Variants in SYNE4 observed in about 807,000 individuals in gnomAD.
SYNE4 encodes the protein nesprin-4.
A neutral mutation model predicts 46.9 loss-of-function variants in SYNE4; 41 were observed. That is an observed-to-expected ratio of 0.87 (90% CI 0.68 to 1.13). The LOEUF (loss-of-function observed/expected upper bound fraction) is 1.13, where lower values mean the gene tolerates loss of function less well. Ranked by LOEUF, SYNE4 falls within the 50% of genes most tolerant of loss-of-function variation. The probability of loss-of-function intolerance (pLI) is 0.00; values close to 1 mark genes in which losing one functional copy is unlikely to be tolerated. For missense variants in SYNE4, 492 were observed against 514.8 expected (o/e 0.96, Z 0.43); for synonymous variants, 221 against 219.5 (o/e 1.01, Z -0.06).
At position 36,006,595 on chromosome 19, in the gene SYNE4, A is replaced by T; in HGVS notation, c.695T>A (p.Val232Asp). The T allele has an allele frequency of 6.2e-7, 1 of 1,608,118 alleles. No individual in the cohort carries two copies. Among genetic ancestry groups the T allele is most frequent in the Non-Finnish European group, 8.5e-7 (1 of 1,177,462 alleles). Residue 232 changes from valine (V) to aspartate (D), a missense_variant, in exon 5 of 8, where the codon GTC (valine) becomes GAC (aspartate). Val to Asp is a radical substitution (Grantham distance 152). Transcript: ENST00000324444. Reference protein sequence around the residue: ...GDSDWPGPGGVWGPWAPSSLP... With the variant: ...GDSDWPGPGGDWGPWAPSSLP... The stretch of plus-strand genomic sequence containing the variant: ...GCTACTGGGTGCCCAGGGCCCCCAG[A>T]CCCCACCAGGTCCTGGCCAGTCCGA...
In SYNE4 at chr19:36,007,152, C is replaced by A; in HGVS notation, c.396G>T (p.Leu132Phe). The A allele has an allele frequency of 6.3e-7, 1 of 1,596,324 alleles. No homozygotes were observed. ...DLEQGLGHWALAQSGMVQLQA... is the reference protein window; with the variant it reads ...DLEQGLGHWAFAQSGMVQLQA... ...GCAGCTGCACCATCCCACTCTGGGC[C>A]AATGCCCAGTGCCCCAGGCCTTGCT... Residue 132 changes from leucine to phenylalanine, a missense_variant, in exon 3 of 8, where the codon TTG becomes TTT. Leu to Phe is a conservative substitution (Grantham distance 22). Transcript: ENST00000324444.
At position 36,008,544 on chromosome 19, in the gene SYNE4, C is replaced by A. The variant is rs376639796; in HGVS notation, c.128+10G>T. On this transcript the variant is annotated intron_variant, in intron 1 of 7. Transcript: ENST00000324444. ...TTTTGGGAACAAGCTTCCAAAGCCC[C>A]GGCCCCCACCTCGTGCTCTCCTCTC... is the stretch of plus-strand genomic sequence containing the variant. The A allele has an allele frequency of 6.2e-7, 1 of 1,613,332 alleles. No individual in the cohort carries two copies. Among genetic ancestry groups the A allele is most frequent in the Admixed American group, 1.7e-5 (1 of 59,998 alleles).
rs1968381757 is a variant in SYNE4, at chr19:36,007,131, C to T, written c.417G>A (p.Gln139=). The T allele has an allele frequency of 6.3e-7, 1 of 1,598,826 alleles. No individual in the cohort carries two copies. ...CCTGGCCTCTCCTGCCTACCTGCAG[C>T]TGCACCATCCCACTCTGGGCCAATG... The part of the protein sequence containing the change: ...HWALAQSGMV[Q]LQALQVDLRG... Residue 139 remains glutamine (Q), a synonymous_variant, in exon 3 of 8, where the codon CAG becomes CAA. Coordinates refer to ENST00000324444, the MANE Select transcript of SYNE4 (RefSeq NM_001039876.3).
At position 36,008,598 on chromosome 19, in the gene SYNE4, A is replaced by G; in HGVS notation, c.84T>C (p.Ile28=). ...ACGCGGGGCAGACGGTGCATCCAACAATGTCCGCCTCTCTAGGTGCTCCCG... is the reference window on the plus strand; with the variant it reads ...ACGCGGGGCAGACGGTGCATCCAACGATGTCCGCCTCTCTAGGTGCTCCCG... The part of the protein sequence containing the change: ...HPPGAPREAD[I]VGCTVCPASG... Residue 28 remains isoleucine, a synonymous_variant, in exon 1 of 8, where the codon ATT becomes ATC. Coordinates refer to ENST00000324444, the MANE Select transcript of SYNE4 (RefSeq NM_001039876.3). The G allele has an allele frequency of 1.2e-6, 2 of 1,613,726 alleles. No homozygotes were observed. Among genetic ancestry groups the G allele is most frequent in the Non-Finnish European group, 1.7e-6 (2 of 1,179,848 alleles).
Position 36,008,278 on chromosome 19 carries a change from T to A in SYNE4, c.218A>T (p.His73Leu). ...GGPRGNEPAA[H>L]PPRWSTPSSY... ...AGAGGGTGTTGACCATCTCGGGGGG[T>A]GAGCGGCAGGCTCATTGCCCCTTGG... The change falls in exon 2 of 8, where the codon CAC becomes CTC. Residue 73 changes from histidine to leucine, a missense_variant. His to Leu is a moderately conservative substitution (Grantham distance 99). Coordinates refer to ENST00000324444, the MANE Select transcript of SYNE4 (RefSeq NM_001039876.3). 1 of 1,601,466 alleles carries A rather than the reference T, an allele frequency of 6.2e-7. No individual in the cohort carries two copies. The highest frequency in any genetic ancestry group is 1.1e-5 in the South Asian group (1 of 89,260).
Position 36,006,874 on chromosome 19 carries a change from G to A in SYNE4, c.494C>T (p.Ala165Val), listed in dbSNP as rs954261566. Residue 165 changes from alanine to valine, a missense_variant, in exon 4 of 8, where the codon GCA (alanine) becomes GTA (valine). Coordinates refer to ENST00000324444, the MANE Select transcript of SYNE4 (RefSeq NM_001039876.3). ...EALLAFGEGL[A>V]QRSEPRAWAA... ...CCAGGCCCTGGGCTCACTCCGCTGT[G>A]CCAGCCCCTCACCAAACGCTAGCAG... is the stretch of plus-strand genomic sequence containing the variant. The A allele has an allele frequency of 1.8e-5, 29 of 1,572,122 alleles. No individual in the cohort carries two copies. Among genetic ancestry groups the A allele is most frequent in the Non-Finnish European group, 2.3e-5 (27 of 1,159,802 alleles).
In SYNE4 at chr19:36,007,181, G is replaced by A. The variant is rs367933574; in HGVS notation, c.367C>T (p.Leu123=). 6.3e-7 allele frequency: 1 copy of A among 1,589,102 alleles called. No homozygotes were observed. Among genetic ancestry groups the A allele is most frequent in the Non-Finnish European group, 8.6e-7 (1 of 1,168,106 alleles). Residue 123 remains leucine, a synonymous_variant, in exon 3 of 8, where the codon CTG becomes TTG. Transcript: ENST00000324444. The stretch of plus-strand genomic sequence containing the variant: ...GCCCAGTGCCCCAGGCCTTGCTCCA[G>A]GTCCTGCAGCCGGCGGCCCAGCCCC... ...LLGLGRRLQD[L]EQGLGHWALA...
rs533064669 is a variant in SYNE4 at position 36,007,380 on chromosome 19, C to T, written c.280-112G>A. ...CTGGAAACTTCTCTGTGGCACAGTCCATCTCCGGGTCTGTCTGCACCAGGA... is the reference window on the plus strand; with the variant it reads ...CTGGAAACTTCTCTGTGGCACAGTCTATCTCCGGGTCTGTCTGCACCAGGA... On this transcript the variant is annotated intron_variant, in intron 2 of 7. Transcript: ENST00000324444. 9.0e-6 allele frequency: 13 copies of T among 1,448,876 alleles called. No individual in the cohort carries two copies. The African/African-American group carries it at 1.7e-4, about 19-fold the overall frequency. 89.8% of individuals were successfully genotyped at this position (1,448,876 alleles called of 1,614,324 possible). A position where few individuals can be genotyped will look rare whatever the true frequency, so the allele number is the denominator to read the frequency against.
At chr19:36,007,072 G>A in intron 3 of SYNE4, 53 bp downstream of exon 3, 1 of 1,570,658 alleles carries the variant, frequency 6.4e-7, no homozygotes, top group African/African-American at 1.4e-5. Flanking sequence ...CGGAAAGCTG[G>A]CACCCACTGC....
intron 6 of SYNE4, 63 bp downstream of exon 6, chr19:36,005,270 T>C: frequency 6.6e-7 from 1 of 1,520,334 alleles, no homozygotes; most frequent in Admixed American, 1.8e-5. Context: ...TTTTGATTTC[T>C]TGGGTTTCTG....
intron 5 of SYNE4, 136 bp from the exon 6 acceptor site, chr19:36,005,573 G>T: frequency 1.4e-6 from 1 of 703,366 alleles, no homozygotes; most frequent in Admixed American, 2.8e-5. Flanking sequence ...AGAGAGGAGA[G>T]AATTATTTAT....
chr19:36,007,196 G>A lies in SYNE4; in HGVS notation c.352C>T (p.Arg118Cys), dbSNP rs1424496382. The A allele has an allele frequency of 2.2e-5, 35 of 1,585,334 alleles. No homozygotes were observed. Among genetic ancestry groups the A allele is most frequent in the East Asian group, 6.9e-5 (3 of 43,644 alleles). The change falls in exon 3 of 8, where the codon CGC (arginine) becomes TGC (cysteine). Residue 118 changes from arginine (R) to cysteine (C), a missense_variant. Physicochemically the swap from Arg to Cys is radical, Grantham distance 180. Transcript: ENST00000324444. The stretch of plus-strand genomic sequence containing the variant: ...CCTTGCTCCAGGTCCTGCAGCCGGC[G>A]GCCCAGCCCCAGCAGGCACAGGTGC... ...SLHLCLLGLG[R>C]RLQDLEQGLG...
At chr19:36,007,061 C>T (rs1968378262) in intron 3 of SYNE4, 64 bp downstream of exon 3, 12 of 1,561,956 alleles carry the variant, frequency 7.7e-6, no homozygotes, top group African/African-American at 1.4e-5. Context: ...ATTTCCCATC[C>T]CGGAAAGCTG....
Position 36,008,736 on chromosome 19 carries a change from C to T in SYNE4, c.-55G>A. 6.5e-6 allele frequency: 10 copies of T among 1,544,834 alleles called. No individual in the cohort carries two copies. Among genetic ancestry groups the T allele is most frequent in the Non-Finnish European group, 8.7e-6 (10 of 1,146,546 alleles). On this transcript the variant is annotated 5_prime_UTR_variant, in exon 1 of 8. Transcript: ENST00000324444. ...TGAGGGCAGCCAGTAAGACCTCTTC[C>T]CTAGACAAGGGTGTCCCAGAGCTCC...
In SYNE4 at chr19:36,007,207, A is replaced by C. The variant is rs1230488329; in HGVS notation, c.341T>G (p.Leu114Arg). 1.9e-6 allele frequency: 3 copies of C among 1,586,432 alleles called. No homozygotes were observed. The highest frequency in any genetic ancestry group is 1.7e-6 in the Non-Finnish European group (2 of 1,166,884). Reference protein sequence around the residue: ...AEQNSLHLCLLGLGRRLQDLE... With the variant: ...AEQNSLHLCLRGLGRRLQDLE... ...GTCCTGCAGCCGGCGGCCCAGCCCC[A>C]GCAGGCACAGGTGCAGGCTGTTCTG... Residue 114 changes from leucine to arginine, a missense_variant, in exon 3 of 8, where the codon CTG becomes CGG. Physicochemically the swap from Leu to Arg is moderately radical, Grantham distance 102. Coordinates refer to ENST00000324444, the MANE Select transcript of SYNE4 (RefSeq NM_001039876.3).
chr19:36,004,940 G>C (rs974318274), intron 6 of SYNE4, among the ~76,000 whole-genome samples: 9 of 146,224 alleles, frequency 6.2e-5, no homozygotes, highest in Admixed American at 2.8e-4. Flanking sequence ...TGCAGTGGTG[G>C]GATCTCGGCT....
chr19:36,007,667 A>G (rs1040167638), intron 2 of SYNE4: 4 of 906,170 alleles, frequency 4.4e-6, no homozygotes, highest in African/African-American at 3.6e-5. Flanking sequence ...ACTTGAGCCC[A>G]GGAGTTCAAG....
At chr19:36,005,588 T>G (rs1976822249) in intron 5 of SYNE4, 151 bp from the exon 6 acceptor site, 3 of 658,102 alleles carry the variant, frequency 4.6e-6, no homozygotes, top group Non-Finnish European at 7.8e-6. Context: ...ATTTATTCAT[T>G]CATTCAATAA....
intron 6 of SYNE4, among the ~76,000 whole-genome samples, chr19:36,004,301 G>C (rs1331678620): frequency 6.6e-6 from 1 of 152,280 alleles, no homozygotes; most frequent in East Asian, 1.9e-4. Context: ...GGGATCACAG[G>C]CGTGAACCAC....
Sources: gnomAD v4.1 joint callset for allele counts (sites outside exome capture counted in the v4.1 genomes callset) on GRCh38, gnomAD v4.1.1 for gene constraint, MANE v1.5 for transcripts, NCBI Gene and HGNC (gene_info 2026-07-23, HGNC 2026-07-21) for gene names.